Variants in SUN2 observed in about 807,000 individuals in gnomAD.
SUN2 encodes Sad1 and UNC84 domain containing 2.
In SUN2, 60 loss-of-function variants were observed where a neutral mutation model predicts 100.0. The ratio of observed to expected loss-of-function variants is 0.60; its 90% CI spans 0.49 to 0.74. SUN2 has a LOEUF of 0.74. SUN2 is among the 30% of genes least tolerant of loss of function. The pLI is 0.00. For missense variants in SUN2, 834 were observed against 954.6 expected (o/e 0.87, Z 1.66); for synonymous variants, 367 against 403.3 (o/e 0.91, Z 1.08).
At chr22:38,748,152 TA>T (rs1297778677) in intron 7 of SUN2, among the ~76,000 whole-genome samples, 4 of 150,780 alleles carry the variant, frequency 2.7e-5, no homozygotes, top group Non-Finnish European at 5.9e-5. Flanking sequence ...CCATCTCTAG[TA>T]AAAATACAAA....
Position 38,749,804 on chromosome 22 carries a change from G to A in SUN2, c.576C>T (p.Thr192=), listed in dbSNP as rs1282519651. The part of the protein sequence containing the change: ...WWAGTTWYRL[T]TAASLLDVFV... ...AGACGTCAAGGAGGGAGGCAGCTGT[G>A]GTCAGGCGGTACCAGGTGGTGCCAG... The change falls in exon 6 of 18, where the codon ACC becomes ACT. Residue 192 remains threonine, a synonymous_variant. Coordinates refer to ENST00000689035, the MANE Select transcript of SUN2 (RefSeq NM_015374.3). The A allele has an allele frequency of 6.2e-7, 1 of 1,614,016 alleles. No individual in the cohort carries two copies. Among genetic ancestry groups the A allele is most frequent in the Non-Finnish European group, 8.5e-7 (1 of 1,180,032 alleles).
intron 6 of SUN2, chr22:38,749,102 T>C (rs1204397561): frequency 3.2e-6 from 1 of 311,722 alleles, no homozygotes; most frequent in Non-Finnish European, 6.0e-6. Flanking sequence ...AAAAAGTAAC[T>C]CCTTAAATAA....
chr22:38,752,635 G>A lies in SUN2; in HGVS notation c.-7C>T. On this transcript the variant is annotated 5_prime_UTR_variant, in exon 2 of 18. Transcript: ENST00000689035. ...GCTGGCTTCTTCGGGACATGATGAG[G>A]TGGGATGTGGACTCTTCCCCTGAAG... 2 of 1,613,356 alleles carry A rather than the reference G, an allele frequency of 1.2e-6. No individual in the cohort carries two copies. The highest frequency in any genetic ancestry group is 1.1e-5 in the South Asian group (1 of 91,048).
In SUN2 at chr22:38,738,116, C is replaced by G. The variant is rs753770163; in HGVS notation, c.2040+57G>C. The G allele has an allele frequency of 1.3e-6, 2 of 1,499,304 alleles. No individual in the cohort carries two copies. Among genetic ancestry groups the G allele is most frequent in the Admixed American group, 3.3e-5 (2 of 59,870 alleles). 92.9% of individuals were successfully genotyped at this position (1,499,304 alleles called of 1,614,324 possible). A position where few individuals can be genotyped will look rare whatever the true frequency, so the allele number is the denominator to read the frequency against. ...TGGCAGGGTAAGTGCCCAGGGAGCA[C>G]CTGCTGCCTGGATGGGGAGTCTGCG... On this transcript the variant is annotated intron_variant, in intron 17 of 17. Transcript: ENST00000689035. This position sits in a 1 kb window ranked among gnomAD's most constrained non-coding sequence, Gnocchi z 6.6.
At chr22:38,741,737 A>T (rs2092859470) in intron 9 of SUN2, among the ~76,000 whole-genome samples, 166 bp from the exon 10 acceptor site, 1 of 152,204 alleles carries the variant, frequency 6.6e-6, no homozygotes. Context: ...GCTCCACTGC[A>T]CACCTCTGCG....
Position 38,741,544 on chromosome 22 carries a change from G to C in SUN2, c.1096C>G (p.His366Asp). The change falls in exon 10 of 18, where the codon CAT becomes GAT. Residue 366 changes from histidine to aspartate, a missense_variant. Around this residue, in one of 3 missense-constraint regions of SUN2, gnomAD observed 559 missense variants for 597.7 expected, o/e 0.94. Coordinates refer to ENST00000689035, the MANE Select transcript of SUN2 (RefSeq NM_015374.3). Reference sequence around the variant, plus strand: ...AAGAGGTCTTCTGAGTCTTGCTGATGCTCTGCTCTCAGGGCAGACAGTTCT... The same window carrying C: ...AAGAGGTCTTCTGAGTCTTGCTGATCCTCTGCTCTCAGGGCAGACAGTTCT... ...QEELSALRAE[H>D]QQDSEDLFKK... 6.2e-7 allele frequency: 1 copy of C among 1,614,088 alleles called. No individual in the cohort carries two copies. Among genetic ancestry groups the C allele is most frequent in the Non-Finnish European group, 8.5e-7 (1 of 1,180,022 alleles).
chr22:38,735,462 A>C lies in SUN2; in HGVS notation c.*805T>G, dbSNP rs2092795837. Reference sequence around the variant, plus strand: ...CAGGTCTAGGTCTCCATACCCTGGGAGAATGTGGAAAGCAAGCTCAGGGGC... The same window carrying C: ...CAGGTCTAGGTCTCCATACCCTGGGCGAATGTGGAAAGCAAGCTCAGGGGC... On this transcript the variant is annotated 3_prime_UTR_variant, in exon 18 of 18. Transcript: ENST00000689035. 3.4e-6 allele frequency: 1 copy of C among 298,274 alleles called. No homozygotes were observed. Among genetic ancestry groups the C allele is most frequent in the Non-Finnish European group, 6.6e-6 (1 of 150,446 alleles). 18.5% of individuals were successfully genotyped at this position (298,274 alleles called of 1,614,324 possible).
Position 38,740,277 on chromosome 22 carries a change from A to C in SUN2, c.1346T>G (p.Val449Gly). Residue 449 changes from valine to glycine, a missense_variant, in exon 12 of 18, where the codon GTG (valine) becomes GGG (glycine). Physicochemically the swap from Val to Gly is moderately radical, Grantham distance 109. Around this residue, in one of 3 missense-constraint regions of SUN2, gnomAD observed 559 missense variants for 597.7 expected, o/e 0.94. Coordinates refer to ENST00000689035, the MANE Select transcript of SUN2 (RefSeq NM_015374.3). The surrounding 1 kb of genome is among the most constrained non-coding windows in gnomAD (Gnocchi z 4.8). The part of the protein sequence containing the change: ...VGLLPQQIQA[V>G]RDDVESQFPA... ...GTGGTTCCCACTCACGTCGTCCCGC[A>C]CGGCCTGGATCTGCTGGGGCAGCAG... The C allele has an allele frequency of 1.3e-6, 2 of 1,592,852 alleles. No individual in the cohort carries two copies. Among genetic ancestry groups the C allele is most frequent in the Middle Eastern group, 2.1e-4 (1 of 4,750 alleles).
rs368974533 is a variant in SUN2 at position 38,740,913 on chromosome 22, ACT to A, written c.1190+92_1190+93del. Reference sequence around the variant, plus strand: ...CCATCTGCTTGGCAAGATGATCAGAACTCTCTGCTCTGCGGCTCTGCTCCCCA... The same window carrying A: ...CCATCTGCTTGGCAAGATGATCAGAACTCTGCTCTGCGGCTCTGCTCCCCA... On this transcript the variant is annotated intron_variant, in intron 11 of 17. Coordinates refer to ENST00000689035, the MANE Select transcript of SUN2 (RefSeq NM_015374.3). This position sits in a 1 kb window ranked among gnomAD's most constrained non-coding sequence, Gnocchi z 4.8. 1.6e-5 allele frequency: 21 copies of A among 1,339,076 alleles called. No homozygotes were observed. The highest frequency in any genetic ancestry group is 7.5e-5 in the South Asian group (6 of 79,806). 82.9% of individuals were successfully genotyped at this position (1,339,076 alleles called of 1,614,324 possible). A position where few individuals can be genotyped will look rare whatever the true frequency, so the allele number is the denominator to read the frequency against.
chr22:38,751,157 TC>T, intron 3 of SUN2, 52 bp downstream of exon 3: 1 of 1,604,658 alleles, frequency 6.2e-7, no homozygotes, highest in Non-Finnish European at 8.5e-7. Context: ...GTGAGGAGTA[TC>T]TCGCGGGAGG....
In SUN2 at chr22:38,740,548, CT is replaced by C; in HGVS notation, c.1191-117del. ...CCGTCAGGAGAGCGGGTGCCCAGCACTCATTGTGAACCTGAGAAGGGGCAAG... is the reference window on the plus strand; with the variant it reads ...CCGTCAGGAGAGCGGGTGCCCAGCACCATTGTGAACCTGAGAAGGGGCAAG... On this transcript the variant is annotated intron_variant, in intron 11 of 17. Transcript: ENST00000689035. The surrounding 1 kb of genome is among the most constrained non-coding windows in gnomAD (Gnocchi z 4.8). 8.4e-7 allele frequency: 1 copy of C among 1,196,672 alleles called. No individual in the cohort carries two copies. Among genetic ancestry groups the C allele is most frequent in the Non-Finnish European group, 1.1e-6 (1 of 890,256 alleles). 74.1% of individuals were successfully genotyped at this position (1,196,672 alleles called of 1,614,324 possible).
At position 38,738,501 on chromosome 22, in the gene SUN2, A is replaced by G; in HGVS notation, c.1947+86T>C. On this transcript the variant is annotated intron_variant, in intron 16 of 17. Transcript: ENST00000689035. This position sits in a 1 kb window ranked among gnomAD's most constrained non-coding sequence, Gnocchi z 6.6. ...ATCCACTCCCCTCCCTTCCAGTCCAAGGGTGACCCTGACTTGATCCTCAGT... is the reference window on the plus strand; with the variant it reads ...ATCCACTCCCCTCCCTTCCAGTCCAGGGGTGACCCTGACTTGATCCTCAGT... 1 of 1,533,682 alleles carries G rather than the reference A, an allele frequency of 6.5e-7. No individual in the cohort carries two copies. The highest frequency in any genetic ancestry group is 8.9e-7 in the Non-Finnish European group (1 of 1,128,190).
In SUN2 at chr22:38,737,865, G is replaced by A. The variant is rs1034270057; in HGVS notation, c.2040+308C>T. Reference sequence around the variant, plus strand: ...CCGCGCCCTGGCATGTGCTGGCGGCGGCTCCTCGAACGCCTCTCCCGGCCT... The same window carrying A: ...CCGCGCCCTGGCATGTGCTGGCGGCAGCTCCTCGAACGCCTCTCCCGGCCT... On this transcript the variant is annotated intron_variant, in intron 17 of 17. Transcript: ENST00000689035. The surrounding 1 kb of genome is among the most constrained non-coding windows in gnomAD (Gnocchi z 4.1). 66 of 579,958 alleles carry A rather than the reference G, an allele frequency of 1.1e-4. 3 individuals are homozygous for A. The highest frequency in any genetic ancestry group is 8.9e-4 in the South Asian group (58 of 65,476). The allele number at this position is 579,958 out of a possible 1,614,324, so 35.9% of individuals were successfully genotyped here.
In SUN2 at chr22:38,737,033, G is replaced by T. The variant is rs779673198; in HGVS notation, c.2041-653C>A. Among the ~76,000 whole-genome samples the T allele has an allele frequency of 2.0e-5, 3 of 152,136 alleles. No individual in the cohort carries two copies. Among genetic ancestry groups the T allele is most frequent in the Non-Finnish European group, 4.4e-5 (3 of 68,038 alleles). ...TAAATTTTTTAACATTTTTTGTAGA[G>T]TCGGGATCTCGCTGTGTTCACCAGC... is the stretch of plus-strand genomic sequence containing the variant. On this transcript the variant is annotated intron_variant, in intron 17 of 17. Coordinates refer to ENST00000689035, the MANE Select transcript of SUN2 (RefSeq NM_015374.3). This position sits in a 1 kb window ranked among gnomAD's most constrained non-coding sequence, Gnocchi z 4.1.
Position 38,739,509 on chromosome 22 carries a change from A to G in SUN2, c.1579-83T>C, listed in dbSNP as rs2092836164. 6.7e-7 allele frequency: 1 copy of G among 1,502,396 alleles called. No homozygotes were observed. 93.1% of individuals were successfully genotyped at this position (1,502,396 alleles called of 1,614,324 possible). ...CCTCGTGGCCGTGGGCCAAGGACCCATGGGCTGACCCCTTCTAGGCTTGCA... is the reference window on the plus strand; with the variant it reads ...CCTCGTGGCCGTGGGCCAAGGACCCGTGGGCTGACCCCTTCTAGGCTTGCA... On this transcript the variant is annotated intron_variant, in intron 13 of 17. Transcript: ENST00000689035. The surrounding 1 kb of genome is among the most constrained non-coding windows in gnomAD (Gnocchi z 6.7).
intron 8 of SUN2, among the ~76,000 whole-genome samples, chr22:38,744,479 G>A (rs1603224069): frequency 6.6e-6 from 1 of 152,060 alleles, no homozygotes; most frequent in Non-Finnish European, 1.5e-5. Context: ...TACTTCACAG[G>A]CTGATGCAGG....
chr22:38,736,530 C>G, intron 17 of SUN2, 150 bp from the exon 18 acceptor site: 1 of 591,488 alleles, frequency 1.7e-6, no homozygotes, highest in Non-Finnish European at 2.9e-6. Context: ...TTCAAAAGCT[C>G]CTATCTTTAG....
At chr22:38,742,667 G>A (rs988039027) in intron 8 of SUN2, 112 bp from the exon 9 acceptor site, 27 of 1,400,076 alleles carry the variant, frequency 1.9e-5, no homozygotes, top group Admixed American at 4.6e-5. Flanking sequence ...TTCCAGAGAC[G>A]TTCCAGCATA....
Position 38,738,219 on chromosome 22 carries a change from A to G in SUN2, c.1994T>C (p.Phe665Ser). 2.5e-6 allele frequency: 4 copies of G among 1,613,928 alleles called. No homozygotes were observed. The highest frequency in any genetic ancestry group is 3.4e-6 in the Non-Finnish European group (4 of 1,179,984). ...AGGCTCGCCGTCCTGATCGTAAGTG[A>G]ACTTGCCAAGGAGTGTCCCCTCCTG... ...LQQEGTLLGK[F>S]TYDQDGEPIQ... The change falls in exon 17 of 18, where the codon TTC becomes TCC. Residue 665 changes from phenylalanine (F) to serine (S), a missense_variant. Physicochemically the swap from Phe to Ser is radical, Grantham distance 155 (BLOSUM62 -2). Transcript: ENST00000689035. The surrounding 1 kb of genome is among the most constrained non-coding windows in gnomAD (Gnocchi z 6.6).
Sources: gnomAD v4.1 joint callset for allele counts (sites outside exome capture counted in the v4.1 genomes callset) on GRCh38, gnomAD v4.1.1 for gene constraint, gnomAD v4.1.1 regional missense constraint, Gnocchi (gnomAD v3.1) non-coding constraint, MANE v1.5 for transcripts, NCBI Gene and HGNC (gene_info 2026-07-23, HGNC 2026-07-21) for gene names.